The following CC2D1B variants were observed in gnomAD, a reference collection of about 807,000 sequenced individuals.
The protein encoded by CC2D1B is coiled-coil and C2 domain-containing protein 1B.
Under a neutral mutation model 110.8 loss-of-function variants are expected in CC2D1B, and 92 were observed. The ratio of observed to expected loss-of-function variants is 0.83; its 90% CI spans 0.70 to 0.99. CC2D1B has a LOEUF of 0.99. Among genes scored for constraint, CC2D1B ranks in the 50% least tolerant of loss-of-function variants. CC2D1B has a pLI of 0.00. For missense variants in CC2D1B, 1,136 were observed against 1,089.0 expected, an observed-to-expected ratio of 1.04 and a Z score of -0.61; for synonymous variants, 406 against 429.2, an observed-to-expected ratio of 0.95 and a Z score of 0.67.
rs142073097 is a variant in CC2D1B, at chr1:52,361,057, C to T, written c.394G>A (p.Gly132Ser). ...LDGDEVADPGGSEEENGLEDT... is the reference protein window; with the variant it reads ...LDGDEVADPGSSEEENGLEDT... ...TCTAGGCCGTTCTCCTCCTCAGAGC[C>T]GCCTGGGTCAGCTACCTCATCACCA... Residue 132 changes from glycine (G) to serine (S), a missense_variant, in exon 5 of 25, where the codon GGC (glycine) becomes AGC (serine). Transcript: ENST00000284376. 87 of 1,614,122 alleles carry T rather than the reference C, an allele frequency of 5.4e-5. No individual in the cohort carries two copies. In the African/African-American group the frequency reaches 5.9e-4, roughly 11 times the overall value.
At chr1:52,365,761 C>A (rs2147899598) in intron 1 of CC2D1B, among the ~76,000 whole-genome samples, 1 of 151,866 alleles carries the variant, frequency 6.6e-6, no homozygotes, top group East Asian at 1.9e-4. Context: ...GGCGGGGAGA[C>A]CAGCTGACGG....
In CC2D1B at chr1:52,363,394, CAAAAA is replaced by C. The variant is rs60279244; in HGVS notation, c.70-653_70-649del. Among the ~76,000 whole-genome samples the C allele has an allele frequency of 7.1e-5, 4 of 56,104 alleles. No homozygotes were observed. In the South Asian group the frequency reaches 1.8e-3, roughly 25 times the overall value. The allele number at this position is 56,104 out of a possible 152,430, so 36.8% of individuals were successfully genotyped here. A position where few individuals can be genotyped will look rare whatever the true frequency, so the allele number is the denominator to read the frequency against. On this transcript the variant is annotated intron_variant, in intron 2 of 24. Transcript: ENST00000284376. ...TGGGCGACACAGCGAGACTCCGTCT[CAAAAA>C]AAAAAAAAAAAAAGAAGGTCCTATT... is the stretch of plus-strand genomic sequence containing the variant.
In CC2D1B at chr1:52,354,919, G is replaced by T. The variant is rs528659682; in HGVS notation, c.2260C>A (p.Leu754Ile). Residue 754 changes from leucine (L) to isoleucine (I), a missense_variant, in exon 22 of 25, where the codon CTA becomes ATA. Transcript: ENST00000284376. The stretch of plus-strand genomic sequence containing the variant: ...CCCCGGTGGTTTCGGTTGATGTTTA[G>T]TTTGAAGAGTTGATCAAATTCTGGC... ...NSPEFDQLFK[L>I]NINRNHRGFK... 6.2e-7 allele frequency: 1 copy of T among 1,614,050 alleles called. No individual in the cohort carries two copies. Among genetic ancestry groups the T allele is most frequent in the Admixed American group, 1.7e-5 (1 of 60,014 alleles).
At chr1:52,358,911 G>T in intron 11 of CC2D1B, 116 bp downstream of exon 11, 1 of 1,490,164 alleles carries the variant, frequency 6.7e-7, no homozygotes, top group Non-Finnish European at 9.1e-7. Context: ...GAGCCCCAGA[G>T]AGACAAACAG....
intron 23 of CC2D1B, among the ~76,000 whole-genome samples, chr1:52,354,192 G>A (rs1368393166): frequency 6.6e-6 from 1 of 152,176 alleles, no homozygotes; most frequent in Non-Finnish European, 1.5e-5. Flanking sequence ...ACTTCCCCAG[G>A]CAGGCAGTAG....
Position 52,362,733 on chromosome 1 carries a change from AT to A in CC2D1B, c.82del (p.Met28TrpfsTer79), listed in dbSNP as rs1646809683. ...CAGCATGTCCTCAGGGCCAAACTCCATAAAGAGCCCCATCTGAGAGCAGAGC... is the reference window on the plus strand; with the variant it reads ...CAGCATGTCCTCAGGGCCAAACTCCAAAAGAGCCCCATCTGAGAGCAGAGC... Reference protein sequence around the residue: ...VAAAKQMGLFMEFGPEDMLLG... With the variant: ...VAAAKQMGLFXEFGPEDMLLG... On this transcript the variant is annotated frameshift_variant, in exon 3 of 25. Coordinates refer to ENST00000284376, the MANE Select transcript of CC2D1B (RefSeq NM_001330585.2). LOFTEE classifies it high-confidence loss of function. 6.2e-7 allele frequency: 1 copy of A among 1,614,070 alleles called. No homozygotes were observed. The highest frequency in any genetic ancestry group is 8.5e-7 in the Non-Finnish European group (1 of 1,180,000).
rs1252298682 is a variant in CC2D1B, at chr1:52,354,617, TTC to T, written c.2419_2420del (p.Glu807AsnfsTer35). On this transcript the variant is annotated frameshift_variant, in exon 23 of 25. Coordinates refer to ENST00000284376, the MANE Select transcript of CC2D1B (RefSeq NM_001330585.2). LOFTEE classifies it high-confidence loss of function. ...ERLENECEIR[E>X]IVEVLDGRKP... ...ACACCCCAGCCCCTACCTCCACAAT[TTC>T]TCTGATCTCACACTCATTCTCCAGC... 1 of 1,614,132 alleles carries T rather than the reference TTC, an allele frequency of 6.2e-7. No individual in the cohort carries two copies. The highest frequency in any genetic ancestry group is 1.1e-5 in the South Asian group (1 of 91,082).
At chr1:52,363,593 A>G (rs184899870) in intron 2 of CC2D1B, among the ~76,000 whole-genome samples, 1 of 152,092 alleles carries the variant, frequency 6.6e-6, no homozygotes, top group African/African-American at 2.4e-5. Flanking sequence ...ATTAAACATT[A>G]ACCCCCCTTC....
Position 52,354,699 on chromosome 1 carries a change from C to G in CC2D1B, c.2340-1G>C. ...CAGCTTGTCGCTTCTGAAGAAGGAC[C>G]TGGGGAGTCAAGAGGCAGCAGAGGA... On this transcript the variant is annotated splice_acceptor_variant, in intron 22 of 24. Coordinates refer to ENST00000284376, the MANE Select transcript of CC2D1B (RefSeq NM_001330585.2). LOFTEE classifies it high-confidence loss of function. 1 of 1,614,128 alleles carries G rather than the reference C, an allele frequency of 6.2e-7. No individual in the cohort carries two copies. The highest frequency in any genetic ancestry group is 8.5e-7 in the Non-Finnish European group (1 of 1,179,996).
rs757333050 is a variant in CC2D1B at position 52,359,473 on chromosome 1, G to A, written c.1004C>T (p.Pro335Leu). ...KGQPVDLSAM[P>L]PAPEDLKPQQ... ...TACATACTGACCCTCAGGTGCCGGGGGCATGGCACTCAGATCCACGGGCTG... is the reference window on the plus strand; with the variant it reads ...TACATACTGACCCTCAGGTGCCGGGAGCATGGCACTCAGATCCACGGGCTG... The change falls in exon 9 of 25, where the codon CCC becomes CTC. Residue 335 changes from proline (P) to leucine (L), a missense_variant. By Grantham distance (98) the Pro-to-Leu change is moderately conservative. Coordinates refer to ENST00000284376, the MANE Select transcript of CC2D1B (RefSeq NM_001330585.2). The A allele has an allele frequency of 6.2e-7, 1 of 1,614,144 alleles. No individual in the cohort carries two copies. The highest frequency in any genetic ancestry group is 8.5e-7 in the Non-Finnish European group (1 of 1,180,012).
intron 16 of CC2D1B, chr1:52,356,677 A>T (rs896603441): frequency 6.6e-6 from 4 of 607,366 alleles, no homozygotes; most frequent in Non-Finnish European, 1.2e-5. Context: ...TTCCATCAAA[A>T]CCTAACTCAA....
chr1:52,358,369 C>T lies in CC2D1B; in HGVS notation c.1423G>A (p.Ala475Thr). 6.2e-7 allele frequency: 1 copy of T among 1,614,174 alleles called. No individual in the cohort carries two copies. The highest frequency in any genetic ancestry group is 8.5e-7 in the Non-Finnish European group (1 of 1,180,036). ...TLAAAEKLAS[A>T]EDSAPADKDE... Reference sequence around the variant, plus strand: ...TTATCAGCCGGGGCTGAATCCTCTGCAGAGGCCAGTTTCTCTGCAGCTGCC... The same window carrying T: ...TTATCAGCCGGGGCTGAATCCTCTGTAGAGGCCAGTTTCTCTGCAGCTGCC... The change falls in exon 13 of 25, where the codon GCA (alanine) becomes ACA (threonine). Residue 475 changes from alanine to threonine, a missense_variant. Transcript: ENST00000284376.
Position 52,359,355 on chromosome 1 carries a change from G to T in CC2D1B, c.1021C>A (p.Leu341Met), listed in dbSNP as rs372493949. ...LSAMPPAPED[L>M]KPQQASQAPT... ...GCCTGAGAAGCCTGCTGGGGCTTCA[G>T]ATCTGGGGGACCCAGAGTAGAGGTG... Residue 341 changes from leucine (L) to methionine (M), a missense_variant and splice_region_variant, in exon 10 of 25, where the codon CTG (leucine) becomes ATG (methionine). By Grantham distance (15) the Leu-to-Met change is conservative. Transcript: ENST00000284376. 69 of 1,613,466 alleles carry T rather than the reference G, an allele frequency of 4.3e-5. No individual in the cohort carries two copies. Among genetic ancestry groups the T allele is most frequent in the Non-Finnish European group, 5.5e-5 (65 of 1,179,864 alleles).
chr1:52,358,770 G>A lies in CC2D1B; in HGVS notation c.1258-12C>T. The A allele has an allele frequency of 6.2e-7, 1 of 1,605,298 alleles. No homozygotes were observed. The highest frequency in any genetic ancestry group is 1.1e-5 in the South Asian group (1 of 89,580). On this transcript the variant is annotated splice_polypyrimidine_tract_variant and intron_variant, in intron 11 of 24. Transcript: ENST00000284376. ...GCATCTTGATATTGCTGCAAGGGAA[G>A]GAAGGGAGGGGCCTGTGGTCGGCAG...
At position 52,352,431 on chromosome 1, in the gene CC2D1B, G is replaced by A. The variant is rs911757519; in HGVS notation, c.*794C>T. On this transcript the variant is annotated 3_prime_UTR_variant, in exon 25 of 25. Transcript: ENST00000284376. ...ACCCTGGCTTTTAAAAAGTGACAGG[G>A]AGCAGGACTTTAGATTAGGACTTTG... is the stretch of plus-strand genomic sequence containing the variant. The A allele has an allele frequency of 1.3e-5, 2 of 152,624 alleles. No individual in the cohort carries two copies. The highest frequency in any genetic ancestry group is 2.9e-5 in the Non-Finnish European group (2 of 68,036). 9.5% of individuals were successfully genotyped at this position (152,624 alleles called of 1,614,324 possible). A position where few individuals can be genotyped will look rare whatever the true frequency, so the allele number is the denominator to read the frequency against.
intron 17 of CC2D1B, 33 bp from the exon 18 acceptor site, chr1:52,356,335 G>C: frequency 6.2e-7 from 1 of 1,613,910 alleles, no homozygotes; most frequent in Non-Finnish European, 8.5e-7. Flanking sequence ...CATGATGGTG[G>C]ATTTTCTGCT....
Position 52,359,053 on chromosome 1 carries a change from C to T in CC2D1B, c.1231G>A (p.Ala411Thr). 6.2e-7 allele frequency: 1 copy of T among 1,607,790 alleles called. No individual in the cohort carries two copies. Among genetic ancestry groups the T allele is most frequent in the Non-Finnish European group, 8.5e-7 (1 of 1,180,000 alleles). ...TTGGCAATGCGCTCATGCATCCGAG[C>T]CTTGCGCTCGTCCCCACCACTCCGG... ...QARSGGDERKARMHERIAKQY... is the reference protein window; with the variant it reads ...QARSGGDERKTRMHERIAKQY... The change falls in exon 11 of 25, where the codon GCT (alanine) becomes ACT (threonine). Residue 411 changes from alanine (A) to threonine (T), a missense_variant. Ala to Thr is a moderately conservative substitution (Grantham distance 58). Transcript: ENST00000284376.
rs537293008 is a variant in CC2D1B, at chr1:52,358,523, C to T, written c.1331-62G>A. On this transcript the variant is annotated intron_variant, in intron 12 of 24. Transcript: ENST00000284376. ...AGCCTCAGAGAAGCACAAAGCTACC[C>T]GGGGCCCTGTCTGGGGCATGGCTCT... The T allele has an allele frequency of 1.8e-3, 2,952 of 1,609,056 alleles. 6 individuals carry two copies. Among genetic ancestry groups the T allele is most frequent in the Non-Finnish European group, 2.3e-3 (2,684 of 1,177,778 alleles).
intron 11 of CC2D1B, 66 bp downstream of exon 11, chr1:52,358,961 G>C (rs1646715291): frequency 1.3e-6 from 2 of 1,585,156 alleles, no homozygotes; most frequent in East Asian, 4.5e-5. Context: ...CGGAGGACCA[G>C]GGAGACAGAG....
Sources: gnomAD v4.1 joint callset for allele counts (sites outside exome capture counted in the v4.1 genomes callset) on GRCh38, gnomAD v4.1.1 for gene constraint, MANE v1.5 for transcripts, NCBI Gene and HGNC (gene_info 2026-07-23, HGNC 2026-07-21) for gene names.